The following ADK variants were observed in gnomAD, a reference collection of about 807,000 sequenced individuals.
The protein encoded by ADK is adenosine kinase.
A neutral mutation model predicts 44.7 loss-of-function variants in ADK; 24 were observed. The ratio of observed to expected loss-of-function variants is 0.54; its 90% confidence interval spans 0.39 to 0.76. ADK has a LOEUF of 0.76. Among genes scored for constraint, ADK ranks in the 30% least tolerant of loss-of-function variants. ADK has a pLI of 0.00. For missense variants in ADK, 321 were observed against 425.1 expected (o/e 0.76, Z 2.15); for synonymous variants, 128 against 142.6 (o/e 0.90, Z 0.73).
intron 6 of ADK, among the ~76,000 whole-genome samples, chr10:74,491,121 G>T (rs1283758289): frequency 6.6e-6 from 1 of 152,014 alleles, no homozygotes; most frequent in Non-Finnish European, 1.5e-5. Context: ...TACCGGATCA[G>T]CTTAAAATGG....
chr10:74,284,502 G>A (rs1847081920), intron 3 of ADK, among the ~76,000 whole-genome samples: 1 of 152,156 alleles, frequency 6.6e-6, no homozygotes, highest in Admixed American at 6.5e-5. Flanking sequence ...AACCTCAGAT[G>A]ATCTGTCTGC....
chr10:74,194,354 C>T (rs7902519), intron 1 of ADK, among the ~76,000 whole-genome samples: 6,083 of 152,158 alleles, frequency 0.04, 437 homozygotes, highest in African/African-American at 0.14. Flanking sequence ...GTGCACATTT[C>T]TTCCCATTTT....
intron 1 of ADK, among the ~76,000 whole-genome samples, chr10:74,159,622 T>A (rs142855721): frequency 0.13 from 19,816 of 151,988 alleles, 1,295 homozygotes; most frequent in Middle Eastern, 0.21. Flanking sequence ...AGATGGAGTC[T>A]TGATCTGTCA....
intron 4 of ADK, among the ~76,000 whole-genome samples, chr10:74,330,948 A>G (rs948071479): frequency 2.0e-5 from 3 of 152,246 alleles, no homozygotes; most frequent in African/African-American, 4.8e-5. Flanking sequence ...TTAAAATAAT[A>G]AAATAACTTT....
At chr10:74,337,445 T>C (rs185480141) in intron 4 of ADK, among the ~76,000 whole-genome samples, 170 of 152,318 alleles carry the variant, frequency 1.1e-3, no homozygotes, top group African/African-American at 4.0e-3. Flanking sequence ...CAGAGGAAGA[T>C]ACTGGCTATT....
rs1249454428 is a variant in ADK, at chr10:74,394,174, T to C, written c.307T>C (p.Phe103Leu). ...TCAACAGCCACACAAAGCAGCAACATTTTTTGGATGCATTGGGATAGATAA... is the reference window on the plus strand; with the variant it reads ...TCAACAGCCACACAAAGCAGCAACACTTTTTGGATGCATTGGGATAGATAA... ...MIQQPHKAAT[F>L]FGCIGIDKFG... The change falls in exon 5 of 11, where the codon TTT (phenylalanine) becomes CTT (leucine). Residue 103 changes from phenylalanine (F) to leucine (L), a missense_variant. Physicochemically the swap from Phe to Leu is conservative, Grantham distance 22 (BLOSUM62 0). Transcript: ENST00000539909. The C allele has an allele frequency of 6.2e-7, 1 of 1,613,862 alleles. No individual in the cohort carries two copies. The highest frequency in any genetic ancestry group is 8.5e-7 in the Non-Finnish European group (1 of 1,179,904).
chr10:74,305,086 C>T (rs1182219230), intron 3 of ADK, among the ~76,000 whole-genome samples: 2 of 152,054 alleles, frequency 1.3e-5, no homozygotes, highest in African/African-American at 4.8e-5. Flanking sequence ...ACTTATAATA[C>T]CTAATATAAT....
chr10:74,224,874 C>A (rs1844470315), intron 3 of ADK, among the ~76,000 whole-genome samples: 1 of 152,090 alleles, frequency 6.6e-6, no homozygotes, highest in Non-Finnish European at 1.5e-5. Context: ...TTTCTCTTTC[C>A]AGATAAAATA....
intron 3 of ADK, among the ~76,000 whole-genome samples, chr10:74,227,836 C>G (rs577596380): frequency 3.7e-4 from 56 of 151,828 alleles, no homozygotes; most frequent in Non-Finnish European, 5.7e-4. Context: ...GGGCGAGACT[C>G]TGTCTCAAAA....
intron 3 of ADK, among the ~76,000 whole-genome samples, chr10:74,253,408 T>G (rs780811713): frequency 1.3e-4 from 20 of 152,164 alleles, no homozygotes; most frequent in Non-Finnish European, 2.8e-4. Context: ...CTCATAGCAG[T>G]GTTGACATGG....
At chr10:74,569,565 A>T (rs1466915339) in intron 7 of ADK, among the ~76,000 whole-genome samples, 2 of 152,124 alleles carry the variant, frequency 1.3e-5, no homozygotes, top group Admixed American at 6.6e-5. Flanking sequence ...TTTGGCTGCA[A>T]AAATGTCTTC....
intron 7 of ADK, among the ~76,000 whole-genome samples, chr10:74,574,446 G>C (rs1171927868): frequency 6.6e-6 from 1 of 152,164 alleles, no homozygotes; most frequent in Non-Finnish European, 1.5e-5. Context: ...TGGGATTACA[G>C]GCATGAGCCA....
At chr10:74,396,133 T>C (rs1018629092) in intron 5 of ADK, among the ~76,000 whole-genome samples, 8 of 152,192 alleles carry the variant, frequency 5.3e-5, no homozygotes, top group Non-Finnish European at 7.3e-5. Context: ...GACTCAAAAA[T>C]TGGGGAGAAA....
At chr10:74,486,158 G>A (rs572690711) in intron 6 of ADK, among the ~76,000 whole-genome samples, 2 of 152,206 alleles carry the variant, frequency 1.3e-5, no homozygotes, top group African/African-American at 4.8e-5. Flanking sequence ...TCTCATGATA[G>A]TAAGTGAGTT....
At chr10:74,658,279 G>A (rs2134159135) in intron 9 of ADK, among the ~76,000 whole-genome samples, 1 of 152,218 alleles carries the variant, frequency 6.6e-6, no homozygotes, top group African/African-American at 2.4e-5. Context: ...CTTTTCTATA[G>A]CTCCTCTTAC....
At chr10:74,176,997 G>T (rs1842366973) in intron 1 of ADK, 10 of 1,460,504 alleles carry the variant, frequency 6.8e-6, no homozygotes, top group African/African-American at 1.4e-5. Flanking sequence ...TCCGCCTCTG[G>T]TCCCCCTCGT....
intron 7 of ADK, among the ~76,000 whole-genome samples, chr10:74,539,842 G>A (rs902025351): frequency 2.0e-5 from 3 of 152,098 alleles, no homozygotes; most frequent in African/African-American, 7.2e-5. Flanking sequence ...TTCTCCCTAG[G>A]GTTTTTCTAA....
chr10:74,345,734 A>C (rs1841743249), intron 4 of ADK, among the ~76,000 whole-genome samples: 1 of 152,232 alleles, frequency 6.6e-6, no homozygotes, highest in African/African-American at 2.4e-5. Context: ...AGAAAATGTG[A>C]AAGTATAGTC....
In ADK at chr10:74,383,475, A is replaced by G. The variant is rs552101017; in HGVS notation, c.274-10666A>G. ...TCTTCTTCTGAAAATTAGCTATCCC[A>G]CGTAAGCCTCATATATCCCCTAATT... On this transcript the variant is annotated intron_variant, in intron 4 of 10. Transcript: ENST00000539909. 5.9e-5 allele frequency among the ~76,000 whole-genome samples: 9 copies of G among 152,014 alleles called. No homozygotes were observed. The South Asian group carries it at 1.9e-3, about 32-fold the overall frequency.
Sources: allele counts gnomAD v4.1 joint callset (sites outside exome capture counted in the v4.1 genomes callset), GRCh38; gene constraint gnomAD v4.1.1; transcripts MANE v1.5; gene names NCBI Gene and HGNC (gene_info 2026-07-23, HGNC 2026-07-21).